Variants in CLEC1B observed in about 807,000 individuals in gnomAD.
The protein encoded by CLEC1B is C-type lectin domain family 1 member B, also known as C-type lectin-like receptor 2.
In CLEC1B, 26 loss-of-function variants were observed where a neutral mutation model predicts 26.7. That is an observed-to-expected ratio of 0.97 (90% CI 0.71 to 1.35). CLEC1B has a LOEUF of 1.35. CLEC1B is among the 40% of genes most tolerant of loss of function. The probability of loss-of-function intolerance (pLI) is 0.00; values close to 1 mark genes in which losing one functional copy is unlikely to be tolerated. For synonymous variants in CLEC1B, 112 were observed against 96.0 expected, an observed-to-expected ratio of 1.17 and a Z score of -0.97; for missense variants, 293 against 282.6, an observed-to-expected ratio of 1.04 and a Z score of -0.26.
At position 9,998,312 on chromosome 12, in the gene CLEC1B, CCA is replaced by C; in HGVS notation, c.131_132del (p.Met44SerfsTer21). ...ALILLILCVG[M>X]VVGLVALGIW... ...ATCCCCAGAGCCACCAGCCCGACAA[CCA>C]TCCCCACGCACAGGATCAGCAGAAT... On this transcript the variant is annotated frameshift_variant, in exon 2 of 6. Transcript: ENST00000298527. LOFTEE classifies it high-confidence loss of function. The C allele has an allele frequency of 6.2e-7, 1 of 1,614,120 alleles. No individual in the cohort carries two copies. The highest frequency in any genetic ancestry group is 8.5e-7 in the Non-Finnish European group (1 of 1,180,036).
chr12:9,998,189 C>T (rs1865097339), intron 2 of CLEC1B, 93 bp downstream of exon 2: 2 of 941,842 alleles, frequency 2.1e-6, no homozygotes, highest in Non-Finnish European at 1.7e-6. Flanking sequence ...GATAAACAGA[C>T]AAATAGCGAC....
upstream of CLEC1B, among the ~76,000 whole-genome samples, chr12:10,000,748 T>G (rs1385772577): frequency 6.6e-6 from 1 of 152,180 alleles, no homozygotes; most frequent in African/African-American, 2.4e-5. Context: ...CAGGCTTTTC[T>G]GGAAGATTGG....
chr12:9,997,157 T>C lies in CLEC1B; in HGVS notation c.283+3A>G. Reference sequence around the variant, plus strand: ...ATGAAGAGGTTAAAAAAACAATACTTACTGAAAGTGCCCTTTAGTTCTGAT... The same window carrying C: ...ATGAAGAGGTTAAAAAAACAATACTCACTGAAAGTGCCCTTTAGTTCTGAT... On this transcript the variant is annotated splice_donor_region_variant and intron_variant, in intron 3 of 5. Coordinates refer to ENST00000298527, the MANE Select transcript of CLEC1B (RefSeq NM_016509.4). 1 of 1,613,894 alleles carries C rather than the reference T, an allele frequency of 6.2e-7. No individual in the cohort carries two copies.
At chr12:9,995,108 C>T in intron 5 of CLEC1B, 32 bp downstream of exon 5, 2 of 1,605,618 alleles carry the variant, frequency 1.2e-6, no homozygotes, top group Non-Finnish European at 1.7e-6. Context: ...GTTTCCAGTA[C>T]TCCCTCCTAT....
rs1248789200 is a variant in CLEC1B at position 9,995,134 on chromosome 12, A to T, written c.545+6T>A. ...TCCCTCCTATTCTAAGTGTCCAGTG[A>T]CTTACATATTTTCTGAGATAACCGA... On this transcript the variant is annotated splice_donor_region_variant and intron_variant, in intron 5 of 5. Coordinates refer to ENST00000298527, the MANE Select transcript of CLEC1B (RefSeq NM_016509.4). 1.2e-6 allele frequency: 2 copies of T among 1,611,780 alleles called. No individual in the cohort carries two copies. Among genetic ancestry groups the T allele is most frequent in the South Asian group, 2.2e-5 (2 of 91,062 alleles).
upstream of CLEC1B, among the ~76,000 whole-genome samples, chr12:10,000,374 A>G (rs1023135331): frequency 1.3e-5 from 2 of 152,174 alleles, no homozygotes; most frequent in African/African-American, 2.4e-5. Flanking sequence ...TTCTTTCTCT[A>G]TACTCTTCAA....
intron 4 of CLEC1B, chr12:9,995,467 GA>G (rs1397898953): frequency 4.2e-6 from 2 of 479,514 alleles, no homozygotes; most frequent in Non-Finnish European, 7.7e-6. Flanking sequence ...CAAAATAGCT[GA>G]TATTCTAATC....
Position 9,997,027 on chromosome 12 carries a change from G to A in CLEC1B, c.284-27C>T, listed in dbSNP as rs375934190. 88 of 1,612,264 alleles carry A rather than the reference G, an allele frequency of 5.5e-5. No individual in the cohort carries two copies. The African/African-American group carries it at 1.1e-3, about 21-fold the overall frequency. ...TGGAGAAACCAAGCACAGGAATGGT[G>A]TATTTTTTCTAAATTGGGCTTACAT... On this transcript the variant is annotated intron_variant, in intron 3 of 5. Transcript: ENST00000298527.
At position 9,995,136 on chromosome 12, in the gene CLEC1B, T is replaced by C. The variant is rs1865007569; in HGVS notation, c.545+4A>G. On this transcript the variant is annotated splice_donor_region_variant and intron_variant, in intron 5 of 5. Transcript: ENST00000298527. Reference sequence around the variant, plus strand: ...CCTCCTATTCTAAGTGTCCAGTGACTTACATATTTTCTGAGATAACCGAGC... The same window carrying C: ...CCTCCTATTCTAAGTGTCCAGTGACCTACATATTTTCTGAGATAACCGAGC... 6.2e-7 allele frequency: 1 copy of C among 1,611,932 alleles called. No individual in the cohort carries two copies. The highest frequency in any genetic ancestry group is 8.5e-7 in the Non-Finnish European group (1 of 1,178,348).
At position 9,997,149 on chromosome 12, in the gene CLEC1B, A is replaced by G. The variant is rs769273710; in HGVS notation, c.283+11T>C. 12 of 1,613,696 alleles carry G rather than the reference A, an allele frequency of 7.4e-6. No individual in the cohort carries two copies. Among genetic ancestry groups the G allele is most frequent in the Non-Finnish European group, 1.7e-6 (2 of 1,179,918 alleles). On this transcript the variant is annotated intron_variant, in intron 3 of 5. Coordinates refer to ENST00000298527, the MANE Select transcript of CLEC1B (RefSeq NM_016509.4). ...TTGGAGAGATGAAGAGGTTAAAAAA[A>G]CAATACTTACTGAAAGTGCCCTTTA...
chr12:10,000,889 T>C (rs1262123390), upstream of CLEC1B, among the ~76,000 whole-genome samples: 1 of 152,188 alleles, frequency 6.6e-6, no homozygotes, highest in East Asian at 1.9e-4. Flanking sequence ...CCTTCAGTGT[T>C]TTGTTACCTA....
intron 2 of CLEC1B, 39 bp downstream of exon 2, chr12:9,998,243 C>A (rs1865098659): frequency 6.6e-7 from 1 of 1,514,928 alleles, no homozygotes; most frequent in Non-Finnish European, 9.2e-7. Context: ...TTCAGTATTA[C>A]CTTCCTCCAG....
At chr12:10,000,339 CT>C (rs1865144015), upstream of CLEC1B, among the ~76,000 whole-genome samples, 2 of 152,288 alleles carry the variant, frequency 1.3e-5, no homozygotes, top group African/African-American at 4.8e-5. Flanking sequence ...TGTCAATTCA[CT>C]TAAAATTATC....
rs1865005640 is a variant in CLEC1B at position 9,995,079 on chromosome 12, G to A, written c.545+61C>T. On this transcript the variant is annotated intron_variant, in intron 5 of 5. Transcript: ENST00000298527. ...AGTAGTGACTTGGACTGAGAGAAGAGGGAATCTCAAGAATAAGAGTTTCCA... is the reference window on the plus strand; with the variant it reads ...AGTAGTGACTTGGACTGAGAGAAGAAGGAATCTCAAGAATAAGAGTTTCCA... 3.1e-6 allele frequency: 5 copies of A among 1,602,344 alleles called. No individual in the cohort carries two copies. The East Asian group carries it at 9.0e-5, about 29-fold the overall frequency.
Position 9,999,109 on chromosome 12 carries a change from G to C in CLEC1B, c.-9C>G. ...CCATCTTCATCCTGCATGGCTTCCC[G>C]AGTACTGCAACTGAGCTCAGAGTTC... On this transcript the variant is annotated 5_prime_UTR_variant, in exon 1 of 6. Transcript: ENST00000298527. 6.3e-7 allele frequency: 1 copy of C among 1,596,618 alleles called. No individual in the cohort carries two copies. The highest frequency in any genetic ancestry group is 2.3e-5 in the East Asian group (1 of 44,414).
chr12:9,996,848 C>G lies in CLEC1B; in HGVS notation c.436G>C (p.Val146Leu), dbSNP rs1865061292. ...ATTTGACATAAGAATCTTCTTACCACAATGTTCCGGTTGTCAATCTTCAGG... is the reference window on the plus strand; with the variant it reads ...ATTTGACATAAGAATCTTCTTACCAGAATGTTCCGGTTGTCAATCTTCAGG... ...TLLKIDNRNI[V>L]EYIKARTHLI... The change falls in exon 4 of 6, where the codon GTG becomes CTG. Residue 146 changes from valine (V) to leucine (L), a missense_variant and splice_region_variant. Transcript: ENST00000298527. 1.2e-6 allele frequency: 2 copies of G among 1,614,016 alleles called. No homozygotes were observed. Among genetic ancestry groups the G allele is most frequent in the South Asian group, 1.1e-5 (1 of 91,084 alleles).
chr12:9,995,183 C>T lies in CLEC1B; in HGVS notation c.502G>A (p.Glu168Lys), dbSNP rs199796468. ...GAGCCATCCTCCCACTTCCAGACCT[C>T]ATTCGACTTCTGGCGAGATAATCCG... is the stretch of plus-strand genomic sequence containing the variant. ...WVGLSRQKSNEVWKWEDGSVI... is the reference protein window; with the variant it reads ...WVGLSRQKSNKVWKWEDGSVI... Residue 168 changes from glutamate to lysine, a missense_variant, in exon 5 of 6, where the codon GAG becomes AAG. By Grantham distance (56) the Glu-to-Lys change is moderately conservative (BLOSUM62 1). Transcript: ENST00000298527. 1.0e-4 allele frequency: 165 copies of T among 1,613,172 alleles called. No individual in the cohort carries two copies. In the South Asian group the frequency reaches 1.5e-3, roughly 15 times the overall value.
chr12:9,993,860 G>T (rs935921546), intron 5 of CLEC1B, among the ~76,000 whole-genome samples: 4 of 152,066 alleles, frequency 2.6e-5, no homozygotes, highest in African/African-American at 9.7e-5. Context: ...ATACTTATTG[G>T]TTTATTTGGA....
upstream of CLEC1B, among the ~76,000 whole-genome samples, chr12:9,999,525 G>A (rs1865129953): frequency 6.6e-6 from 1 of 152,164 alleles, no homozygotes; most frequent in Non-Finnish European, 1.5e-5. Flanking sequence ...TAGCTCACCA[G>A]CAGATATATA....
Sources: allele counts gnomAD v4.1 joint callset (sites outside exome capture counted in the v4.1 genomes callset), GRCh38; gene constraint gnomAD v4.1.1; transcripts MANE v1.5; gene names NCBI Gene and HGNC (gene_info 2026-07-23, HGNC 2026-07-21).